RBFOX1: variants seen among roughly 807,000 people sequenced by gnomAD.
The protein encoded by RBFOX1 is RNA binding protein fox-1 homolog 1.
A neutral mutation model predicts 57.7 loss-of-function variants in RBFOX1; 8 were observed. The ratio of observed to expected loss-of-function variants is 0.14; its 90% CI spans 0.08 to 0.25. The LOEUF (loss-of-function observed/expected upper bound fraction) is 0.25, where lower values mean the gene tolerates loss of function less well. Among genes scored for constraint, RBFOX1 ranks in the 10% least tolerant of loss-of-function variants. The pLI, the probability that RBFOX1 is intolerant of heterozygous loss-of-function variation, is 1.00. For synonymous variants in RBFOX1, 326 were observed against 222.4 expected (o/e 1.47, Z -4.15); for missense variants, 611 against 548.5 (o/e 1.11, Z -1.14).
intron 3 of RBFOX1, among the ~76,000 whole-genome samples, chr16:5,701,070 C>G (rs1190611002): frequency 6.6e-6 from 1 of 152,114 alleles, no homozygotes; most frequent in Non-Finnish European, 1.5e-5. Flanking sequence ...TTAATAGCCT[C>G]TCATCCCCAT....
At chr16:7,663,027 G>C (rs1222014308) in intron 12 of RBFOX1, among the ~76,000 whole-genome samples, 1 of 152,216 alleles carries the variant, frequency 6.6e-6, no homozygotes, top group Non-Finnish European at 1.5e-5. Flanking sequence ...GCCAGCACAA[G>C]GCATTGCACG....
chr16:7,546,638 G>C (rs894121081), intron 5 of RBFOX1, among the ~76,000 whole-genome samples: 1 of 152,124 alleles, frequency 6.6e-6, no homozygotes, highest in African/African-American at 2.4e-5. Flanking sequence ...CTGTTTTGTG[G>C]ATTTCTCTTT....
intron 2 of RBFOX1, among the ~76,000 whole-genome samples, chr16:6,527,620 G>T (rs924958222): frequency 6.6e-6 from 1 of 152,066 alleles, no homozygotes; most frequent in Non-Finnish European, 1.5e-5. Flanking sequence ...GCAATGATGT[G>T]GAAACCCCCT....
At chr16:7,698,495 C>G (rs74011860) in intron 14 of RBFOX1, among the ~76,000 whole-genome samples, 4,136 of 152,146 alleles carry the variant, frequency 0.027, 183 homozygotes, top group African/African-American at 0.09. Context: ...GGAGGTGTCA[C>G]CAGCGCCTTT....
At chr16:7,073,490 A>G (rs1029002372) in intron 4 of RBFOX1, among the ~76,000 whole-genome samples, 2 of 152,082 alleles carry the variant, frequency 1.3e-5, no homozygotes, top group Non-Finnish European at 2.9e-5. Flanking sequence ...ACCCCCTACA[A>G]TTCGTTCTAT....
intron 4 of RBFOX1, among the ~76,000 whole-genome samples, chr16:5,981,616 C>G (rs2060174461): frequency 6.6e-6 from 1 of 151,946 alleles, no homozygotes; most frequent in South Asian, 2.1e-4. Flanking sequence ...TTATAGGTGC[C>G]CACTATCAGG....
chr16:6,928,079 C>G (rs1668454990), intron 3 of RBFOX1, among the ~76,000 whole-genome samples: 2 of 152,154 alleles, frequency 1.3e-5, no homozygotes, highest in African/African-American at 4.8e-5. Context: ...TGACTGGGAG[C>G]TGCTTCTTTA....
chr16:6,578,170 C>A (rs889668757), intron 2 of RBFOX1, among the ~76,000 whole-genome samples: 2 of 152,228 alleles, frequency 1.3e-5, no homozygotes, highest in South Asian at 4.1e-4. Context: ...TACTAGACAT[C>A]AGATAGCACT....
intron 2 of RBFOX1, among the ~76,000 whole-genome samples, chr16:6,494,370 G>A (rs918834200): frequency 6.6e-6 from 1 of 152,080 alleles, no homozygotes; most frequent in African/African-American, 2.4e-5. Context: ...TATCTCTCGC[G>A]ACCACCTGCC....
intron 4 of RBFOX1, among the ~76,000 whole-genome samples, chr16:7,266,880 G>T (rs1252541360): frequency 6.6e-6 from 1 of 152,136 alleles, no homozygotes; most frequent in Non-Finnish European, 1.5e-5. Flanking sequence ...ACTTAGGACT[G>T]GGGGTGAGTG....
rs1457386255 is a variant in RBFOX1, at chr16:6,091,209, C to G, written c.-127+71217C>G. Among the ~76,000 whole-genome samples the G allele has an allele frequency of 2.6e-5, 4 of 152,212 alleles. No individual in the cohort carries two copies. In the South Asian group the frequency reaches 6.2e-4, roughly 24 times the overall value. On this transcript the variant is annotated intron_variant, in intron 1 of 15. Transcript: ENST00000550418. ...AACCGATTTGTCTTCATTTCCCACTCCACCCCCACACCCTTCCCAGCCTTA... is the reference window on the plus strand; with the variant it reads ...AACCGATTTGTCTTCATTTCCCACTGCACCCCCACACCCTTCCCAGCCTTA...
At chr16:5,938,973 A>G (rs192798026) in intron 4 of RBFOX1, among the ~76,000 whole-genome samples, 1 of 152,324 alleles carries the variant, frequency 6.6e-6, no homozygotes, top group East Asian at 1.9e-4. Context: ...AACCATCATT[A>G]TCAGCAAACT....
intron 3 of RBFOX1, among the ~76,000 whole-genome samples, chr16:6,697,090 C>G (rs1331597088): frequency 6.6e-6 from 1 of 152,124 alleles, no homozygotes; most frequent in Admixed American, 6.5e-5. Context: ...AGAATTTCTT[C>G]TGGGGAAAGC....
intron 2 of RBFOX1, among the ~76,000 whole-genome samples, chr16:6,319,014 C>G (rs1241296775): frequency 1.3e-5 from 2 of 151,878 alleles, no homozygotes; most frequent in Non-Finnish European, 2.9e-5. Context: ...GGGACGTCGC[C>G]TGGTTATCAG....
At chr16:7,017,878 G>C (rs75157198) in intron 3 of RBFOX1, among the ~76,000 whole-genome samples, 6,849 of 152,148 alleles carry the variant, frequency 0.045, 534 homozygotes, top group African/African-American at 0.16. Flanking sequence ...GAGTCTTCGA[G>C]GCTTAGCAAC....
At chr16:6,518,328 C>T (rs898507266) in intron 2 of RBFOX1, among the ~76,000 whole-genome samples, 1 of 152,040 alleles carries the variant, frequency 6.6e-6, no homozygotes, top group Non-Finnish European at 1.5e-5. Context: ...ATACGTGATC[C>T]AGGGAAAGGA....
intron 3 of RBFOX1, among the ~76,000 whole-genome samples, chr16:6,936,553 T>G (rs564992201): frequency 1.3e-5 from 2 of 152,234 alleles, no homozygotes; most frequent in Admixed American, 6.5e-5. Context: ...AAGGGCTACA[T>G]TTTTTTCATT....
At chr16:7,171,237 C>G (rs1271561618) in intron 4 of RBFOX1, among the ~76,000 whole-genome samples, 1 of 152,184 alleles carries the variant, frequency 6.6e-6, no homozygotes, top group East Asian at 1.9e-4. Flanking sequence ...ATGAACTATG[C>G]TCTTAGGAAA....
intron 4 of RBFOX1, among the ~76,000 whole-genome samples, chr16:7,380,417 A>G (rs1349028959): frequency 1.3e-5 from 2 of 152,224 alleles, no homozygotes; most frequent in East Asian, 1.9e-4. Context: ...CTTTATGTCT[A>G]TGACTCTGTT....
Sources: gnomAD v4.1 joint callset for allele counts (sites outside exome capture counted in the v4.1 genomes callset) on GRCh38, gnomAD v4.1.1 for gene constraint, MANE v1.5 for transcripts, NCBI Gene and HGNC (gene_info 2026-07-23, HGNC 2026-07-21) for gene names.